CCDC148: variants seen among roughly 807,000 people sequenced by gnomAD.
CCDC148 encodes coiled-coil domain-containing protein 148.
A neutral mutation model predicts 85.7 loss-of-function variants in CCDC148; 89 were observed. The ratio of observed to expected loss-of-function variants is 1.04; its 90% CI spans 0.87 to 1.24. The LOEUF (loss-of-function observed/expected upper bound fraction) is 1.24. Ranked by LOEUF, CCDC148 falls within the 50% of genes most tolerant of loss-of-function variation. The pLI, the probability that CCDC148 is intolerant of heterozygous loss-of-function variation, is 0.00. For synonymous variants in CCDC148, 230 were observed against 213.9 expected, an observed-to-expected ratio of 1.08 and a Z score of -0.66; for missense variants, 692 against 671.7, an observed-to-expected ratio of 1.03 and a Z score of -0.33.
chr2:158,376,329 C>T (rs987722748), intron 1 of CCDC148, among the ~76,000 whole-genome samples: 2 of 151,874 alleles, frequency 1.3e-5, no homozygotes, highest in Admixed American at 1.3e-4. Flanking sequence ...AGTATACTAC[C>T]AAAAAGTAAC....
intron 10 of CCDC148, among the ~76,000 whole-genome samples, chr2:158,238,047 C>T (rs1442135266): frequency 3.3e-5 from 5 of 151,880 alleles, no homozygotes; most frequent in Non-Finnish European, 7.4e-5. Flanking sequence ...ATTGCTGGAG[C>T]GGAGGGACAA....
intron 1 of CCDC148, among the ~76,000 whole-genome samples, chr2:158,390,010 A>G (rs1411906622): frequency 6.6e-6 from 1 of 152,176 alleles, no homozygotes; most frequent in Admixed American, 6.5e-5. Flanking sequence ...TAGCACTTGT[A>G]TCAGAGAAAA....
chr2:158,399,894 TC>T (rs1488722132), intron 1 of CCDC148, among the ~76,000 whole-genome samples: 14 of 151,304 alleles, frequency 9.3e-5, no homozygotes, highest in African/African-American at 3.1e-4. Context: ...TCACAAGCAT[TC>T]CTATACACAA....
intron 1 of CCDC148, among the ~76,000 whole-genome samples, chr2:158,437,284 C>T (rs1687704413): frequency 6.6e-6 from 1 of 152,186 alleles, no homozygotes; most frequent in African/African-American, 2.4e-5. Context: ...CCACCATGAT[C>T]AAGTGGGCTT....
chr2:158,271,638 T>G (rs1307150748), intron 9 of CCDC148, among the ~76,000 whole-genome samples: 6 of 152,204 alleles, frequency 3.9e-5, no homozygotes, highest in Non-Finnish European at 7.3e-5. Flanking sequence ...TTGCTATAAT[T>G]GTCTTATTAT....
At chr2:158,214,528 C>G (rs1464345830) in intron 11 of CCDC148, among the ~76,000 whole-genome samples, 1 of 152,110 alleles carries the variant, frequency 6.6e-6, no homozygotes, top group Non-Finnish European at 1.5e-5. Context: ...AAGCTTTCAA[C>G]CCAAGAGGCC....
At chr2:158,353,209 CAA>C (rs1683419741) in intron 2 of CCDC148, among the ~76,000 whole-genome samples, 1 of 93,522 alleles carries the variant, frequency 1.1e-5, no homozygotes, top group African/African-American at 4.8e-5. Flanking sequence ...ATGACAGGAT[CAA>C]ATTCACACAT....
chr2:158,279,373 T>G (rs562792489), intron 9 of CCDC148, among the ~76,000 whole-genome samples: 2 of 152,062 alleles, frequency 1.3e-5, no homozygotes, highest in African/African-American at 4.8e-5. Flanking sequence ...AGTTAAAAAC[T>G]TTGAAAAAAA....
intron 10 of CCDC148, among the ~76,000 whole-genome samples, chr2:158,230,743 G>T (rs1687815551): frequency 6.6e-6 from 1 of 152,308 alleles, no homozygotes; most frequent in African/African-American, 2.4e-5. Flanking sequence ...AGACCAGTTA[G>T]AAGGAAAAGG....
intron 9 of CCDC148, among the ~76,000 whole-genome samples, chr2:158,259,824 T>C (rs1689148487): frequency 6.6e-6 from 1 of 151,894 alleles, no homozygotes; most frequent in Non-Finnish European, 1.5e-5. Context: ...TCCCCACTCC[T>C]ACACGTCCTT....
intron 10 of CCDC148, among the ~76,000 whole-genome samples, chr2:158,229,805 G>C (rs549563788): frequency 6.6e-6 from 1 of 151,960 alleles, no homozygotes; most frequent in Non-Finnish European, 1.5e-5. Flanking sequence ...CTTCTCACAT[G>C]GAATTAAACA....
rs1487023674 is a variant in CCDC148 at position 158,226,176 on chromosome 2, C to T, written c.1252-5463G>A. Reference sequence around the variant, plus strand: ...CTACCATCAGAGAATACTATGAACACCTCTATGCAAATAAACTAGAAAATC... The same window carrying T: ...CTACCATCAGAGAATACTATGAACATCTCTATGCAAATAAACTAGAAAATC... On this transcript the variant is annotated intron_variant, in intron 10 of 13. Coordinates refer to ENST00000283233, the MANE Select transcript of CCDC148 (RefSeq NM_138803.4). Among the ~76,000 whole-genome samples the T allele has an allele frequency of 2.6e-5, 4 of 152,274 alleles. No individual in the cohort carries two copies. In the East Asian group the frequency reaches 5.8e-4, roughly 22 times the overall value.
intron 1 of CCDC148, among the ~76,000 whole-genome samples, chr2:158,370,281 C>A (rs944948475): frequency 5.3e-5 from 8 of 152,108 alleles, no homozygotes; most frequent in African/African-American, 1.9e-4. Flanking sequence ...TATATCCCAG[C>A]ACTTAAAATT....
At chr2:158,241,100 T>C (rs965998613) in intron 10 of CCDC148, among the ~76,000 whole-genome samples, 3 of 152,090 alleles carry the variant, frequency 2.0e-5, no homozygotes, top group African/African-American at 7.2e-5. Context: ...CCAACTTAGG[T>C]TAATGTTAGG....
At chr2:158,382,579 G>A (rs1299701417) in intron 1 of CCDC148, among the ~76,000 whole-genome samples, 1 of 152,094 alleles carries the variant, frequency 6.6e-6, no homozygotes, top group Non-Finnish European at 1.5e-5. Context: ...AAGTGACAGA[G>A]CTGACAAATT....
chr2:158,172,371 G>A (rs1684358108), intron 13 of CCDC148, 112 bp from the exon 14 acceptor site: 2 of 773,562 alleles, frequency 2.6e-6, no homozygotes, highest in African/African-American at 1.8e-5. Flanking sequence ...AGATGACTAG[G>A]TGACAGTAAA....
chr2:158,434,614 C>T (rs566092500), intron 1 of CCDC148, among the ~76,000 whole-genome samples: 23 of 152,186 alleles, frequency 1.5e-4, no homozygotes, highest in African/African-American at 3.4e-4. Context: ...CAAAGCTGGA[C>T]GGAGAATGAA....
At chr2:158,404,883 C>T (rs888894501) in intron 1 of CCDC148, among the ~76,000 whole-genome samples, 5 of 152,052 alleles carry the variant, frequency 3.3e-5, no homozygotes, top group Non-Finnish European at 7.4e-5. Context: ...AATCAATGAA[C>T]AATTATTTAA....
At chr2:158,253,899 C>G (rs1299370310) in intron 9 of CCDC148, among the ~76,000 whole-genome samples, 1 of 151,562 alleles carries the variant, frequency 6.6e-6, no homozygotes. Flanking sequence ...TGGAAGCATA[C>G]AGCATTCCCA....
Sources: gnomAD v4.1 joint callset for allele counts (sites outside exome capture counted in the v4.1 genomes callset) on GRCh38, gnomAD v4.1.1 for gene constraint, MANE v1.5 for transcripts, NCBI Gene and HGNC (gene_info 2026-07-23, HGNC 2026-07-21) for gene names.